The following PTPN12 variants were observed in gnomAD, a reference collection of about 807,000 sequenced individuals.
PTPN12 encodes the protein tyrosine-protein phosphatase non-receptor type 12.
In PTPN12, 29 loss-of-function variants were observed where a neutral mutation model predicts 97.6. The observed-to-expected ratio is 0.30, with a 90% CI of 0.22 to 0.41. The LOEUF is 0.41. PTPN12 is among the 10% of genes least tolerant of loss of function. The probability of loss-of-function intolerance (pLI) is 1.00; values close to 1 mark genes in which losing one functional copy is unlikely to be tolerated. For missense variants in PTPN12, 819 were observed against 926.0 expected, an observed-to-expected ratio of 0.88 and a Z score of 1.50; for synonymous variants, 327 against 300.4, an observed-to-expected ratio of 1.09 and a Z score of -0.91.
intron 12 of PTPN12, among the ~76,000 whole-genome samples, chr7:77,621,601 G>A (rs948882287): frequency 6.6e-6 from 1 of 152,066 alleles, no homozygotes; most frequent in African/African-American, 2.4e-5. Flanking sequence ...CCCGGGAAGT[G>A]GAGGTTGCAG....
intron 1 of PTPN12, 147 bp from the exon 2 acceptor site, chr7:77,570,931 C>T: frequency 5.9e-6 from 3 of 507,814 alleles, no homozygotes; most frequent in South Asian, 3.2e-5. Flanking sequence ...AGAAATTATC[C>T]TTGGGGTTAA....
intron 8 of PTPN12, among the ~76,000 whole-genome samples, chr7:77,605,850 G>A (rs1274435668): frequency 6.7e-6 from 1 of 149,098 alleles, no homozygotes; most frequent in Non-Finnish European, 1.5e-5. Context: ...TGCTCAATCC[G>A]TTTTCTAGGG....
At chr7:77,549,341 A>G (rs983445468) in intron 1 of PTPN12, among the ~76,000 whole-genome samples, 1 of 152,204 alleles carries the variant, frequency 6.6e-6, no homozygotes, top group African/African-American at 2.4e-5. Flanking sequence ...GAAAAAGCAC[A>G]AAGAGTCCTT....
chr7:77,593,176 C>T (rs997953112), intron 6 of PTPN12, among the ~76,000 whole-genome samples: 6 of 150,772 alleles, frequency 4.0e-5, no homozygotes, highest in African/African-American at 1.2e-4. Flanking sequence ...GGCTGAGGCA[C>T]GAGAATTGCT....
Position 77,625,514 on chromosome 7 carries a change from T to A in PTPN12, c.1026-1191T>A, listed in dbSNP as rs967994999. 1.3e-4 allele frequency among the ~76,000 whole-genome samples: 14 copies of A among 105,626 alleles called. 2 individuals carry two copies. Among genetic ancestry groups the A allele is most frequent in the Non-Finnish European group, 1.6e-4 (8 of 50,872 alleles). The allele number at this position is 105,626 out of a possible 152,430, so 69.3% of individuals were successfully genotyped here. ...CTCTCTCTCTCTCTCTCTCTCTCTC[T>A]CTCTCTCTCACTCTCACTCTCACTC... On this transcript the variant is annotated intron_variant, in intron 12 of 17. Coordinates refer to ENST00000248594, the MANE Select transcript of PTPN12 (RefSeq NM_002835.4).
intron 11 of PTPN12, among the ~76,000 whole-genome samples, chr7:77,616,547 TA>T (rs1788757195): frequency 6.6e-6 from 1 of 152,222 alleles, no homozygotes; most frequent in Non-Finnish European, 1.5e-5. Context: ...AATTCAATAT[TA>T]CACTCACTTG....
chr7:77,616,883 A>G (rs1788770358), intron 11 of PTPN12, among the ~76,000 whole-genome samples: 2 of 152,150 alleles, frequency 1.3e-5, no homozygotes, highest in African/African-American at 4.8e-5. Context: ...CTCAGGTTCA[A>G]GTGATTCTCC....
chr7:77,560,327 A>T (rs951997577), intron 1 of PTPN12, among the ~76,000 whole-genome samples: 8 of 152,232 alleles, frequency 5.3e-5, no homozygotes, highest in African/African-American at 1.7e-4. Context: ...AGGACATTTA[A>T]TTCTGTACAA....
At chr7:77,557,455 A>T (rs937846757) in intron 1 of PTPN12, among the ~76,000 whole-genome samples, 3 of 152,202 alleles carry the variant, frequency 2.0e-5, no homozygotes, top group African/African-American at 7.2e-5. Context: ...AACTTCTCTT[A>T]CAGATCTAAG....
At chr7:77,621,716 T>C (rs775558550) in intron 12 of PTPN12, among the ~76,000 whole-genome samples, 2 of 152,188 alleles carry the variant, frequency 1.3e-5, no homozygotes, top group Non-Finnish European at 2.9e-5. Flanking sequence ...TTATCATTAT[T>C]ATCAAGGATT....
chr7:77,627,774 T>G, intron 13 of PTPN12, 99 bp downstream of exon 13: 1 of 1,217,004 alleles, frequency 8.2e-7, no homozygotes, highest in Non-Finnish European at 1.1e-6. Context: ...TATTCCACAC[T>G]CTACCATAGA....
At position 77,564,746 on chromosome 7, in the gene PTPN12, G is replaced by GTGTTTTTTTTTTTTTT. The variant is rs1808163614; in HGVS notation, c.100-6331_100-6330insGTTTTTTTTTTTTTTT. On this transcript the variant is annotated intron_variant, in intron 1 of 17. Transcript: ENST00000248594. ...TTTTGTTGTTGTTTTTTGTTGTCGT[G>GTGTTTTTTTTTTTTTT]TTTTTTTTTTTTTTTTTTTTTTTTT... Among the ~76,000 whole-genome samples the GTGTTTTTTTTTTTTTT allele has an allele frequency of 6.6e-5, 3 of 45,402 alleles. No individual in the cohort carries two copies. The East Asian group carries it at 2.4e-3, about 37-fold the overall frequency. 29.8% of individuals were successfully genotyped at this position (45,402 alleles called of 152,430 possible).
rs1221339947 is a variant in PTPN12, at chr7:77,626,856, T to G, written c.1177T>G (p.Leu393Val). 5 of 1,613,654 alleles carry G rather than the reference T, an allele frequency of 3.1e-6. No homozygotes were observed. In the Admixed American group the frequency reaches 6.7e-5, roughly 22 times the overall value. ...TGATAGATACCATCCAAAGCCAGTG[T>G]TGCATATGGTTTCATCAGAACAACA... is the stretch of plus-strand genomic sequence containing the variant. ...DNDRYHPKPVLHMVSSEQHSA... is the reference protein window; with the variant it reads ...DNDRYHPKPVVHMVSSEQHSA... Residue 393 changes from leucine (L) to valine (V), a missense_variant, in exon 13 of 18, where the codon TTG becomes GTG. This residue lies in a region of PTPN12 where 607 missense variants were observed against 577.3 expected (regional missense o/e 1.05). Transcript: ENST00000248594.
intron 8 of PTPN12, among the ~76,000 whole-genome samples, chr7:77,605,409 G>GGGTTTTTTTT (rs1554321255): frequency 1.0e-5 from 1 of 95,560 alleles, no homozygotes; most frequent in Non-Finnish European, 2.0e-5. Flanking sequence ...TTTGTCATGA[G>GGGTTTTTTTT]TTTTTTTTTT....
At chr7:77,571,872 GCA>G (rs1327553593) in intron 2 of PTPN12, among the ~76,000 whole-genome samples, 6 of 152,026 alleles carry the variant, frequency 3.9e-5, no homozygotes, top group Non-Finnish European at 5.9e-5. Context: ...TTCTTAAATA[GCA>G]CAGTTTTCTG....
At chr7:77,560,600 C>G (rs900629329) in intron 1 of PTPN12, among the ~76,000 whole-genome samples, 1 of 152,132 alleles carries the variant, frequency 6.6e-6, no homozygotes, top group African/African-American at 2.4e-5. Flanking sequence ...CACTTTCTGT[C>G]TGTATGGATT....
chr7:77,582,036 CTT>C (rs1167076049), intron 3 of PTPN12, among the ~76,000 whole-genome samples: 1 of 139,704 alleles, frequency 7.2e-6, no homozygotes, highest in African/African-American at 2.7e-5. Context: ...TAAATAGTCT[CTT>C]TTATAACCTT....
At chr7:77,616,327 G>A (rs991056135) in intron 11 of PTPN12, among the ~76,000 whole-genome samples, 2 of 151,714 alleles carry the variant, frequency 1.3e-5, no homozygotes, top group East Asian at 1.9e-4. Context: ...TACTGATTAT[G>A]CCACTTTGGG....
intron 5 of PTPN12, among the ~76,000 whole-genome samples, chr7:77,588,095 C>A (rs1174097276): frequency 6.6e-6 from 1 of 152,154 alleles, no homozygotes; most frequent in Non-Finnish European, 1.5e-5. Flanking sequence ...TTGTGTGTTT[C>A]CTGGAGTAGC....
Sources: allele counts gnomAD v4.1 joint callset (sites outside exome capture counted in the v4.1 genomes callset), GRCh38; gene constraint gnomAD v4.1.1; regional missense constraint gnomAD v4.1.1; transcripts MANE v1.5; gene names NCBI Gene and HGNC (gene_info 2026-07-23, HGNC 2026-07-21).